The following TRIM44 variants were observed in gnomAD, a reference collection of about 807,000 sequenced individuals.
TRIM44 encodes tripartite motif containing 44.
In TRIM44, 13 loss-of-function variants were observed where a neutral mutation model predicts 37.4. The ratio of observed to expected loss-of-function variants is 0.35; its 90% confidence interval spans 0.23 to 0.55. The LOEUF is 0.55. TRIM44 is among the 20% of genes least tolerant of loss of function. TRIM44 has a pLI of 0.89. For missense variants in TRIM44, 426 were observed against 437.2 expected (o/e 0.97, Z 0.23); for synonymous variants, 175 against 157.2 (o/e 1.11, Z -0.85).
intron 1 of TRIM44, among the ~76,000 whole-genome samples, chr11:35,672,691 C>T (rs550177167): frequency 6.6e-6 from 1 of 152,060 alleles, no homozygotes; most frequent in East Asian, 1.9e-4. Flanking sequence ...TGGAGGTATG[C>T]CGTAGTATAT....
At chr11:35,772,993 G>T (rs1487482572) in intron 4 of TRIM44, among the ~76,000 whole-genome samples, 4 of 152,094 alleles carry the variant, frequency 2.6e-5, no homozygotes, top group Non-Finnish European at 5.9e-5. Flanking sequence ...TGTTGTGGGA[G>T]GGACCTGGTG....
intron 2 of TRIM44, among the ~76,000 whole-genome samples, chr11:35,711,342 T>C (rs991630333): frequency 6.6e-6 from 1 of 152,174 alleles, no homozygotes; most frequent in African/African-American, 2.4e-5. Flanking sequence ...AAAAACCTGA[T>C]GTTGGCCTCT....
In TRIM44 at chr11:35,801,202, A is replaced by G. The variant is rs142272550; in HGVS notation, c.1008-5156A>G. Among the ~76,000 whole-genome samples the G allele has an allele frequency of 1.9e-3, 292 of 152,312 alleles. 2 individuals are homozygous for G. The highest frequency in any genetic ancestry group is 6.8e-3 in the African/African-American group (281 of 41,566). ...TAGGCAACCACTTCCTCAGATACTG[A>G]AAGTGTGAGACTTCCCAATTGGCTC... On this transcript the variant is annotated intron_variant, in intron 4 of 4. Coordinates refer to ENST00000299413, the MANE Select transcript of TRIM44 (RefSeq NM_017583.6).
At chr11:35,786,361 A>G (rs1168499323) in intron 4 of TRIM44, among the ~76,000 whole-genome samples, 1 of 152,318 alleles carries the variant, frequency 6.6e-6, no homozygotes, top group East Asian at 1.9e-4. Context: ...ATTGACAACT[A>G]GAAGACTGAA....
At chr11:35,725,754 G>A (rs1852166693) in intron 2 of TRIM44, among the ~76,000 whole-genome samples, 170 bp from the exon 3 acceptor site, 1 of 152,128 alleles carries the variant, frequency 6.6e-6, no homozygotes, top group Non-Finnish European at 1.5e-5. Flanking sequence ...AAGATTAGCA[G>A]GAAATTCATC....
intron 4 of TRIM44, among the ~76,000 whole-genome samples, chr11:35,769,876 G>A (rs1240922737): frequency 1.3e-5 from 2 of 152,164 alleles, no homozygotes; most frequent in African/African-American, 2.4e-5. Flanking sequence ...TCTCCAGCAG[G>A]CCTAAGGACT....
Position 35,817,393 on chromosome 11 carries a change from G to A in TRIM44, c.*11008G>A, listed in dbSNP as rs1180513692. The A allele has an allele frequency of 6.6e-6, 1 of 152,136 alleles. No individual in the cohort carries two copies. Among genetic ancestry groups the A allele is most frequent in the Non-Finnish European group, 1.5e-5 (1 of 68,016 alleles). The allele number at this position is 152,136 out of a possible 1,614,324, so 9.4% of individuals were successfully genotyped here. A position where few individuals can be genotyped will look rare whatever the true frequency, so the allele number is the denominator to read the frequency against. ...CTCTCTACATGCGCCTAAAATGACG[G>A]GTAGGGTCAGAGACATTGGAGGATC... On this transcript the variant is annotated 3_prime_UTR_variant, in exon 5 of 5. Transcript: ENST00000299413.
rs1852728301 is a variant in TRIM44 at position 35,761,491 on chromosome 11, A to G, written c.1007+26046A>G. ...TGAACCCATGGCCATTCCTTAGATA[A>G]TAATGATCACAGCCGTAACAGCTAA... On this transcript the variant is annotated intron_variant, in intron 4 of 4. Transcript: ENST00000299413. Among the ~76,000 whole-genome samples, 4 of 152,134 alleles carry G rather than the reference A, an allele frequency of 2.6e-5. No homozygotes were observed. The South Asian group carries it at 8.3e-4, about 32-fold the overall frequency.
chr11:35,806,563 C>G lies in TRIM44; in HGVS notation c.*178C>G. 1 of 632,364 alleles carries G rather than the reference C, an allele frequency of 1.6e-6. No homozygotes were observed. Among genetic ancestry groups the G allele is most frequent in the African/African-American group, 1.8e-5 (1 of 54,350 alleles). 39.2% of individuals were successfully genotyped at this position (632,364 alleles called of 1,614,324 possible). A position where few individuals can be genotyped will look rare whatever the true frequency, so the allele number is the denominator to read the frequency against. On this transcript the variant is annotated 3_prime_UTR_variant, in exon 5 of 5. Transcript: ENST00000299413. The stretch of plus-strand genomic sequence containing the variant: ...CAAGGGATGACCAGTTTTATGCTTA[C>G]TGTGTGCTTCTCATCCCCTGGTTGT...
chr11:35,727,329 G>C (rs1019586543), intron 3 of TRIM44, among the ~76,000 whole-genome samples: 2 of 152,168 alleles, frequency 1.3e-5, no homozygotes, highest in Non-Finnish European at 2.9e-5. Flanking sequence ...GACTGTTGCT[G>C]ACTCAGCAAG....
At chr11:35,677,599 C>A (rs1407463680) in intron 1 of TRIM44, among the ~76,000 whole-genome samples, 1 of 152,020 alleles carries the variant, frequency 6.6e-6, no homozygotes, top group Admixed American at 6.6e-5. Context: ...TACCACAATT[C>A]TTTGAGGTAT....
chr11:35,782,934 T>C (rs571894491), intron 4 of TRIM44, among the ~76,000 whole-genome samples: 222 of 152,316 alleles, frequency 1.5e-3, no homozygotes, highest in African/African-American at 5.1e-3. Flanking sequence ...GTGGGTGTTA[T>C]TAGCTCCACT....
intron 3 of TRIM44, among the ~76,000 whole-genome samples, chr11:35,733,626 A>G (rs538592384): frequency 6.6e-6 from 1 of 152,254 alleles, no homozygotes; most frequent in African/African-American, 2.4e-5. Context: ...GATCTTTAAC[A>G]GTCTGCCAAA....
At chr11:35,790,986 A>G (rs1391786353) in intron 4 of TRIM44, among the ~76,000 whole-genome samples, 1 of 152,200 alleles carries the variant, frequency 6.6e-6, no homozygotes, top group East Asian at 1.9e-4. Flanking sequence ...ACATGCTGGC[A>G]GAGATGCTTG....
At chr11:35,671,454 A>T (rs1851392825) in intron 1 of TRIM44, among the ~76,000 whole-genome samples, 1 of 152,226 alleles carries the variant, frequency 6.6e-6, no homozygotes, top group African/African-American at 2.4e-5. Flanking sequence ...TGCTCACTAA[A>T]TGTTAGCTCT....
At chr11:35,736,701 A>G (rs546335026) in intron 4 of TRIM44, among the ~76,000 whole-genome samples, 3 of 152,272 alleles carry the variant, frequency 2.0e-5, no homozygotes, top group Non-Finnish European at 2.9e-5. Context: ...CTTGTCTACT[A>G]TGGCTAAAGC....
chr11:35,785,668 C>T (rs1853122191), intron 4 of TRIM44, among the ~76,000 whole-genome samples: 1 of 152,222 alleles, frequency 6.6e-6, no homozygotes, highest in Non-Finnish European at 1.5e-5. Context: ...GGCAGGCAAG[C>T]CTGGGAACCA....
chr11:35,765,480 A>G (rs963449438), intron 4 of TRIM44, among the ~76,000 whole-genome samples: 1 of 152,242 alleles, frequency 6.6e-6, no homozygotes, highest in African/African-American at 2.4e-5. Flanking sequence ...ACTGTACAAC[A>G]GTAAGTTGAA....
intron 2 of TRIM44, among the ~76,000 whole-genome samples, chr11:35,719,055 G>GAT (rs1852070218): frequency 6.6e-6 from 1 of 152,054 alleles, no homozygotes; most frequent in Admixed American, 6.6e-5. Context: ...TCTGTCTGCA[G>GAT]GTTTTTATGT....
Sources: gnomAD v4.1 joint callset for allele counts (sites outside exome capture counted in the v4.1 genomes callset) on GRCh38, gnomAD v4.1.1 for gene constraint, MANE v1.5 for transcripts, NCBI Gene and HGNC (gene_info 2026-07-23, HGNC 2026-07-21) for gene names.